Variants in ADGRL2 observed in about 807,000 individuals in gnomAD.
ADGRL2 encodes adhesion G protein-coupled receptor L2.
Under a neutral mutation model 157.4 loss-of-function variants are expected in ADGRL2, and 44 were observed. The ratio of observed to expected loss-of-function variants is 0.28; its 90% CI spans 0.22 to 0.36. The LOEUF (loss-of-function observed/expected upper bound fraction) is 0.36, where lower values mean the gene tolerates loss of function less well. Among genes scored for constraint, ADGRL2 ranks in the 10% least tolerant of loss-of-function variants. The pLI, the probability that ADGRL2 is intolerant of heterozygous loss-of-function variation, is 1.00. For synonymous variants in ADGRL2, 585 were observed against 624.7 expected (o/e 0.94, Z 0.95); for missense variants, 1,510 against 1,768.9 (o/e 0.85, Z 2.63).
At chr1:81,857,021 A>C (rs1976208) in intron 2 of ADGRL2, among the ~76,000 whole-genome samples, 56,204 of 152,012 alleles carry the variant, frequency 0.37, 11,272 homozygotes, top group Middle Eastern at 0.54. Context: ...CAATGACTGC[A>C]CTTGTCAGTC....
At chr1:81,343,370 A>G (rs7513229) in intron 1 of ADGRL2, among the ~76,000 whole-genome samples, 55,612 of 151,938 alleles carry the variant, frequency 0.37, 10,568 homozygotes, top group African/African-American at 0.44. Context: ...GATTATAGGC[A>G]TGAGCCACTG....
intron 3 of ADGRL2, among the ~76,000 whole-genome samples, chr1:81,670,012 G>T (rs985689996): frequency 4.6e-5 from 7 of 151,962 alleles, no homozygotes; most frequent in African/African-American, 1.5e-4. Flanking sequence ...CTGAGACCTG[G>T]GGGAAGGATA....
intron 2 of ADGRL2, among the ~76,000 whole-genome samples, chr1:81,777,423 C>T (rs1309388308): frequency 6.6e-6 from 1 of 152,184 alleles, no homozygotes; most frequent in Non-Finnish European, 1.5e-5. Flanking sequence ...AGGCAAGACC[C>T]TACAATTATT....
rs530201544 is a variant in ADGRL2 at position 81,436,411 on chromosome 1, A to G, written c.-301-8625A>G. On this transcript the variant is annotated intron_variant, in intron 1 of 24. Transcript: ENST00000370721. ...ATACCTGACAAAAGGTGGTTAGTAA[A>G]TATTAGTTTTCTTTCCTTCTTTCAT... Among the ~76,000 whole-genome samples the G allele has an allele frequency of 1.2e-4, 19 of 152,278 alleles. No homozygotes were observed. The East Asian group carries it at 3.5e-3, about 28-fold the overall frequency.
chr1:81,964,752 G>C, intron 11 of ADGRL2, among the ~76,000 whole-genome samples: 1 of 152,014 alleles, frequency 6.6e-6, no homozygotes, highest in East Asian at 1.9e-4. Context: ...AGACATTAAA[G>C]AGAGTGACAT....
chr1:81,448,137 C>CTTTTTTTTTTTTTTTTTTTTTTTTTTTT (rs1168945231), intron 2 of ADGRL2, among the ~76,000 whole-genome samples: 11 of 83,502 alleles, frequency 1.3e-4, no homozygotes, highest in African/African-American at 2.5e-4. Flanking sequence ...TTCTTTCTTT[C>CTTTTTTTTTTTTTTTTTTTTTTTTTTTT]TTTTTTTTTT....
intron 12 of ADGRL2, 99 bp from the exon 13 acceptor site, chr1:81,966,305 A>C (rs1465393764): frequency 6.6e-7 from 1 of 1,513,874 alleles, no homozygotes; most frequent in Non-Finnish European, 9.1e-7. Flanking sequence ...AGCAGATATA[A>C]AACAGTGCCT....
chr1:81,716,552 C>T (rs1301423239), intron 1 of ADGRL2, among the ~76,000 whole-genome samples: 2 of 152,072 alleles, frequency 1.3e-5, no homozygotes, highest in Admixed American at 6.6e-5. Flanking sequence ...ACCTTCTCTT[C>T]CCTGTGTGGC....
intron 2 of ADGRL2, among the ~76,000 whole-genome samples, chr1:81,508,334 A>C (rs1485027038): frequency 6.6e-6 from 1 of 152,192 alleles, no homozygotes; most frequent in African/African-American, 2.4e-5. Context: ...GTGTTGCCTT[A>C]TATTTTAGTT....
intron 1 of ADGRL2, among the ~76,000 whole-genome samples, chr1:81,329,639 C>G (rs991304878): frequency 6.6e-6 from 1 of 152,084 alleles, no homozygotes; most frequent in Non-Finnish European, 1.5e-5. Flanking sequence ...AAAGAAAGCT[C>G]TAAATATAAA....
At chr1:81,430,576 T>C (rs1449723471) in intron 1 of ADGRL2, among the ~76,000 whole-genome samples, 1 of 152,220 alleles carries the variant, frequency 6.6e-6, no homozygotes, top group Non-Finnish European at 1.5e-5. Context: ...TTGAAAAGGC[T>C]GTCTTGTATT....
chr1:81,529,431 G>A (rs1372086624), intron 2 of ADGRL2, among the ~76,000 whole-genome samples: 1 of 152,208 alleles, frequency 6.6e-6, no homozygotes, highest in Non-Finnish European at 1.5e-5. Context: ...GTTGCGCCCT[G>A]TGGCATTCTT....
intron 2 of ADGRL2, among the ~76,000 whole-genome samples, chr1:81,523,271 A>G (rs1209435964): frequency 6.6e-6 from 1 of 152,318 alleles, no homozygotes; most frequent in East Asian, 1.9e-4. Flanking sequence ...AGATAAGCTG[A>G]TACCAAATTT....
chr1:81,728,385 C>G (rs1368872998), intron 1 of ADGRL2, among the ~76,000 whole-genome samples: 2 of 152,182 alleles, frequency 1.3e-5, no homozygotes, highest in Non-Finnish European at 2.9e-5. Flanking sequence ...TACTTTACCT[C>G]ATAACATATT....
At chr1:81,736,428 A>G (rs1195343516) in intron 1 of ADGRL2, among the ~76,000 whole-genome samples, 1 of 152,066 alleles carries the variant, frequency 6.6e-6, no homozygotes, top group Non-Finnish European at 1.5e-5. Context: ...TCCTATACCT[A>G]ATGGGGTTCC....
chr1:81,425,036 C>G (rs532406487), intron 1 of ADGRL2, among the ~76,000 whole-genome samples: 2 of 152,322 alleles, frequency 1.3e-5, no homozygotes, highest in Admixed American at 6.5e-5. Context: ...TCTGGGAATT[C>G]AGCTGTCAGA....
At chr1:81,722,930 C>T (rs1159506698) in intron 1 of ADGRL2, 2 of 747,264 alleles carry the variant, frequency 2.7e-6, no homozygotes, top group African/African-American at 3.4e-5. Flanking sequence ...TCTAGAGGTT[C>T]TTGCAGACAT....
rs144341027 is a variant in ADGRL2 at position 81,659,325 on chromosome 1, G to T, written c.-143+78345G>T. Among the ~76,000 whole-genome samples the T allele has an allele frequency of 2.0e-3, 312 of 152,240 alleles. 1 individual carries two copies. The highest frequency in any genetic ancestry group is 0.01 in the Middle Eastern group (3 of 294). ...GATCCACCTGCCTTGGACTTCCAGA[G>T]TGCTGGGATTACAGGTGTGAGCCAC... is the stretch of plus-strand genomic sequence containing the variant. On this transcript the variant is annotated intron_variant, in intron 3 of 24. Coordinates refer to the ADGRL2 transcript ENST00000370721.
intron 2 of ADGRL2, among the ~76,000 whole-genome samples, chr1:81,899,359 G>T (rs1165963544): frequency 6.6e-6 from 1 of 152,174 alleles, no homozygotes; most frequent in Admixed American, 6.5e-5. Flanking sequence ...TCCGGTAGCA[G>T]TGCATCTGTT....
Sources: gnomAD v4.1 joint callset for allele counts (sites outside exome capture counted in the v4.1 genomes callset) on GRCh38, gnomAD v4.1.1 for gene constraint, MANE v1.5 for transcripts, NCBI Gene and HGNC (gene_info 2026-07-23, HGNC 2026-07-21) for gene names.